The following SFT2D1 variants were observed in gnomAD, a reference collection of about 807,000 sequenced individuals.
SFT2D1 encodes vesicle transport protein SFT2A.
A neutral mutation model predicts 28.1 loss-of-function variants in SFT2D1; 24 were observed. That is an observed-to-expected ratio of 0.85 (90% CI 0.62 to 1.20). The LOEUF (loss-of-function observed/expected upper bound fraction) is 1.20, where lower values mean the gene tolerates loss of function less well. SFT2D1 is among the 50% of genes most tolerant of loss of function. SFT2D1 has a pLI of 0.00. For missense variants in SFT2D1, 181 were observed against 190.9 expected (o/e 0.95, Z 0.31); for synonymous variants, 82 against 73.7 (o/e 1.11, Z -0.58).
intron 1 of SFT2D1, among the ~76,000 whole-genome samples, chr6:166,338,876 C>T (rs1016883610): frequency 1.3e-5 from 2 of 152,148 alleles, no homozygotes; most frequent in African/African-American, 4.8e-5. Context: ...AGAACTCTGG[C>T]TACCGTGCCT....
intron 5 of SFT2D1, 43 bp from the exon 6 acceptor site, chr6:166,324,638 TA>T (rs1775581016): frequency 1.3e-6 from 2 of 1,555,714 alleles, no homozygotes; most frequent in African/African-American, 2.7e-5. Flanking sequence ...TTCAAAGTTT[TA>T]AAAACATCTT....
At chr6:166,322,126 G>A (rs912599088) in intron 7 of SFT2D1, among the ~76,000 whole-genome samples, 6 of 152,072 alleles carry the variant, frequency 3.9e-5, no homozygotes, top group Non-Finnish European at 8.8e-5. Context: ...CAAGTGATCT[G>A]CCCACCTTGG....
chr6:166,324,663 T>A, intron 5 of SFT2D1, 68 bp from the exon 6 acceptor site: 1 of 1,428,476 alleles, frequency 7.0e-7, no homozygotes, highest in African/African-American at 1.4e-5. Context: ...CAATCAAACT[T>A]AATTCTTGTC....
chr6:166,342,525 C>A lies in SFT2D1; in HGVS notation c.-44G>T. On this transcript the variant is annotated 5_prime_UTR_variant, in exon 1 of 8. Transcript: ENST00000361731. The stretch of plus-strand genomic sequence containing the variant: ...TAGCGGCCGCCACTCTGTTGCCTGC[C>A]CCTGACGCCCACCAGGAAACCCCGA... 6.1e-6 allele frequency: 9 copies of A among 1,483,982 alleles called. No individual in the cohort carries two copies. The highest frequency in any genetic ancestry group is 8.3e-6 in the Non-Finnish European group (9 of 1,090,172). 91.9% of individuals were successfully genotyped at this position (1,483,982 alleles called of 1,614,324 possible).
At chr6:166,329,438 G>T (rs1451571830) in intron 3 of SFT2D1, 69 bp downstream of exon 3, 1 of 1,325,348 alleles carries the variant, frequency 7.5e-7, no homozygotes, top group Non-Finnish European at 1.1e-6. Context: ...ATCCTACTGG[G>T]AAAGTGCTTA....
chr6:166,329,599 G>A lies in SFT2D1; in HGVS notation c.151-10C>T, dbSNP rs1778512808. 2 of 1,576,444 alleles carry A rather than the reference G, an allele frequency of 1.3e-6. No individual in the cohort carries two copies. The highest frequency in any genetic ancestry group is 1.5e-5 in the African/African-American group (1 of 68,006). On this transcript the variant is annotated splice_polypyrimidine_tract_variant and intron_variant, in intron 2 of 7. Coordinates refer to ENST00000361731, the MANE Select transcript of SFT2D1 (RefSeq NM_145169.3). ...ACAGCAATCCAGTTCCCTAAGTTAAGATATTATAGTTATTTTAAAATAATT... is the reference window on the plus strand; with the variant it reads ...ACAGCAATCCAGTTCCCTAAGTTAAAATATTATAGTTATTTTAAAATAATT...
Position 166,342,539 on chromosome 6 carries a change from A to G in SFT2D1, c.-58T>C. 4.2e-6 allele frequency: 6 copies of G among 1,430,018 alleles called. No homozygotes were observed. The highest frequency in any genetic ancestry group is 2.5e-5 in the East Asian group (1 of 39,784). The allele number at this position is 1,430,018 out of a possible 1,614,324, so 88.6% of individuals were successfully genotyped here. A position where few individuals can be genotyped will look rare whatever the true frequency, so the allele number is the denominator to read the frequency against. On this transcript the variant is annotated 5_prime_UTR_variant, in exon 1 of 8. Coordinates refer to ENST00000361731, the MANE Select transcript of SFT2D1 (RefSeq NM_145169.3). ...CTGTTGCCTGCCCCTGACGCCCACC[A>G]GGAAACCCCGAACCCGAAACCCCAC... is the stretch of plus-strand genomic sequence containing the variant.
intron 1 of SFT2D1, among the ~76,000 whole-genome samples, chr6:166,336,810 T>G (rs1778664606): frequency 6.6e-6 from 1 of 152,172 alleles, no homozygotes; most frequent in Non-Finnish European, 1.5e-5. Context: ...GCCCAAGCAA[T>G]CCTCCTGCCT....
At chr6:166,342,352 G>A (rs1039312079) in intron 1 of SFT2D1, 67 bp downstream of exon 1, 23 of 1,461,074 alleles carry the variant, frequency 1.6e-5, no homozygotes, top group Non-Finnish European at 2.1e-5. Context: ...CACCCGCTCG[G>A]CCGGTCCTCA....
At chr6:166,328,553 T>C (rs1256359282) in intron 3 of SFT2D1, among the ~76,000 whole-genome samples, 196 bp from the exon 4 acceptor site, 1 of 152,222 alleles carries the variant, frequency 6.6e-6, no homozygotes, top group African/African-American at 2.4e-5. Context: ...TGAAGGTGTC[T>C]TCTCCAAAAT....
intron 1 of SFT2D1, among the ~76,000 whole-genome samples, chr6:166,335,688 C>A (rs1778635696): frequency 6.6e-6 from 1 of 152,200 alleles, no homozygotes; most frequent in Admixed American, 6.5e-5. Flanking sequence ...AATGGGTTCA[C>A]AAAACCAAGG....
chr6:166,322,737 TA>T (rs1360293923), intron 7 of SFT2D1, 119 bp downstream of exon 7: 13 of 714,962 alleles, frequency 1.8e-5, no homozygotes, highest in Non-Finnish European at 2.6e-5. Flanking sequence ...TTTAGGAAAT[TA>T]AAATCAACCA....
chr6:166,327,686 G>C (rs1305633064), intron 4 of SFT2D1, among the ~76,000 whole-genome samples: 3 of 152,060 alleles, frequency 2.0e-5, no homozygotes, highest in Admixed American at 2.0e-4. Flanking sequence ...TCAGCTCTAG[G>C]CTCCATTTAA....
At chr6:166,326,829 T>A (rs1173113066) in intron 4 of SFT2D1, among the ~76,000 whole-genome samples, 1 of 152,240 alleles carries the variant, frequency 6.6e-6, no homozygotes, top group East Asian at 1.9e-4. Flanking sequence ...AGGTACAGTA[T>A]GTTACTAAAA....
At chr6:166,338,950 T>C (rs1049583133) in intron 1 of SFT2D1, among the ~76,000 whole-genome samples, 1 of 152,116 alleles carries the variant, frequency 6.6e-6, no homozygotes, top group Non-Finnish European at 1.5e-5. Context: ...GATGCTCCCC[T>C]ATGACCTTCA....
chr6:166,324,106 T>C (rs1264822122), intron 6 of SFT2D1: 1 of 155,354 alleles, frequency 6.4e-6, no homozygotes, highest in Non-Finnish European at 1.4e-5. Flanking sequence ...TCAGAAGACA[T>C]CTCCAGATAT....
At chr6:166,329,101 C>T (rs112406404) in intron 3 of SFT2D1, among the ~76,000 whole-genome samples, 193 of 152,252 alleles carry the variant, frequency 1.3e-3, no homozygotes, top group African/African-American at 4.0e-3. Flanking sequence ...TGGGATCCCA[C>T]CTCCGGATTC....
intron 1 of SFT2D1, among the ~76,000 whole-genome samples, chr6:166,331,585 TA>T (rs1431412741): frequency 2.0e-5 from 3 of 152,248 alleles, no homozygotes; most frequent in Admixed American, 2.0e-4. Flanking sequence ...AAATTGCCTA[TA>T]AAAACATCTA....
At chr6:166,327,209 TTAAA>T (rs1210963587) in intron 4 of SFT2D1, among the ~76,000 whole-genome samples, 1 of 152,172 alleles carries the variant, frequency 6.6e-6, no homozygotes, top group African/African-American at 2.4e-5. Context: ...TTTAAATTCT[TTAAA>T]TATCATAAAT....
Sources: gnomAD v4.1 joint callset for allele counts (sites outside exome capture counted in the v4.1 genomes callset) on GRCh38, gnomAD v4.1.1 for gene constraint, MANE v1.5 for transcripts, NCBI Gene and HGNC (gene_info 2026-07-23, HGNC 2026-07-21) for gene names.